LDB3: variants seen among roughly 807,000 people sequenced by gnomAD.
The protein encoded by LDB3 is LIM domain-binding protein 3.
In LDB3, 49 loss-of-function variants were observed where a neutral mutation model predicts 69.0. The ratio of observed to expected loss-of-function variants is 0.71; its 90% CI spans 0.56 to 0.90. LDB3 has a LOEUF of 0.90. Ranked by LOEUF, LDB3 falls within the 40% of genes least tolerant of loss-of-function variation. The pLI, the probability that LDB3 is intolerant of heterozygous loss-of-function variation, is 0.00. For missense variants in LDB3, 928 were observed against 974.1 expected (o/e 0.95, Z 0.63); for synonymous variants, 387 against 396.2 (o/e 0.98, Z 0.28).
At chr10:86,673,560 T>C (rs1806471) in intron 2 of LDB3, among the ~76,000 whole-genome samples, 69,499 of 151,658 alleles carry the variant, frequency 0.46, 16,186 homozygotes, top group Non-Finnish European at 0.5. Flanking sequence ...AGTGGGACCA[T>C]GGGGAGACAG....
chr10:86,728,581 C>CTTTTGTTTTTTTTT lies in LDB3; in HGVS notation c.2094+2334_2094+2347dup, dbSNP rs1554868870. Among the ~76,000 whole-genome samples, 35 of 97,580 alleles carry CTTTTGTTTTTTTTT rather than the reference C, an allele frequency of 3.6e-4. No homozygotes were observed. The South Asian group carries it at 5.5e-3, about 15-fold the overall frequency. The allele number at this position is 97,580 out of a possible 152,430, so 64.0% of individuals were successfully genotyped here. On this transcript the variant is annotated intron_variant, in intron 13 of 13. Transcript: ENST00000361373. ...ACATATAGCAAAGTGGAACATGGTT[C>CTTTTGTTTTTTTTT]TTTTGTTTTTTTTTTTTTTTGAGAC... is the stretch of plus-strand genomic sequence containing the variant.
intron 7 of LDB3, among the ~76,000 whole-genome samples, chr10:86,697,426 G>A (rs1248265163): frequency 1.3e-5 from 2 of 151,556 alleles, no homozygotes; most frequent in Non-Finnish European, 2.9e-5. Context: ...TCACCATATT[G>A]GCCAGGCTGG....
intron 2 of LDB3, among the ~76,000 whole-genome samples, chr10:86,670,642 G>A (rs1337347380): frequency 6.6e-6 from 1 of 152,252 alleles, no homozygotes; most frequent in Non-Finnish European, 1.5e-5. Flanking sequence ...TAGATAGCAG[G>A]AGGAATGTCC....
intron 9 of LDB3, among the ~76,000 whole-genome samples, chr10:86,713,396 C>T (rs776005876): frequency 6.6e-6 from 1 of 152,046 alleles, no homozygotes; most frequent in Non-Finnish European, 1.5e-5. Context: ...ACAAGGCGCC[C>T]ACCACCATGC....
intron 5 of LDB3, chr10:86,685,808 G>A (rs983230180): frequency 3.9e-6 from 5 of 1,290,874 alleles, no homozygotes; most frequent in Admixed American, 3.4e-5. Context: ...GTACATGTAT[G>A]TGCATATGTA....
intron 5 of LDB3, among the ~76,000 whole-genome samples, chr10:86,686,708 G>GA (rs1213422125): frequency 6.6e-6 from 1 of 151,762 alleles, no homozygotes; most frequent in African/African-American, 2.4e-5. Context: ...TCAGGAGGCT[G>GA]AGGTGAGAGG....
intron 13 of LDB3, 23 bp downstream of exon 13, chr10:86,726,275 T>C: frequency 1.9e-6 from 3 of 1,598,474 alleles, no homozygotes; most frequent in South Asian, 2.2e-5. Context: ...CTTGGGGCTC[T>C]GGCTTTCTGA....
At chr10:86,687,980 CCT>C in intron 5 of LDB3, among the ~76,000 whole-genome samples, 1 of 150,870 alleles carries the variant, frequency 6.6e-6, no homozygotes, top group Middle Eastern at 3.4e-3. Flanking sequence ...TCTGTGTCTC[CCT>C]CTCTCTGTAT....
At chr10:86,726,305 A>G in intron 13 of LDB3, 53 bp downstream of exon 13, 1 of 1,450,488 alleles carries the variant, frequency 6.9e-7, no homozygotes, top group Non-Finnish European at 9.7e-7. Flanking sequence ...GGAGGGAGGA[A>G]GTGGGAGCCA....
rs2803556 is a variant in LDB3, at chr10:86,668,546, G to T, written c.-48G>T. ...GCCTCTCAAGAGCTCCACGCAGCCC[G>T]GCTGGGCAGCAAGGGACAGAACAGG... On this transcript the variant is annotated 5_prime_UTR_variant, in exon 1 of 14. Coordinates refer to ENST00000361373, the MANE Select transcript of LDB3 (RefSeq NM_007078.3). 7.3e-5 allele frequency: 54 copies of T among 734,928 alleles called. No homozygotes were observed. The African/African-American group carries it at 7.9e-4, about 11-fold the overall frequency. 45.5% of individuals were successfully genotyped at this position (734,928 alleles called of 1,614,324 possible).
At chr10:86,717,673 A>G (rs947817577) in intron 10 of LDB3, among the ~76,000 whole-genome samples, 2 of 152,248 alleles carry the variant, frequency 1.3e-5, no homozygotes, top group Admixed American at 6.5e-5. Context: ...CAGCATCATC[A>G]TTATTGCATT....
chr10:86,716,404 T>G lies in LDB3; in HGVS notation c.1309T>G (p.Tyr437Asp). ...CTACACCCCCTCCCCTGCCCCTGCC[T>G]ACACCCCCTCCCCTGCCCCTGCCTA... Reference protein sequence around the residue: ...TPYTPSPAPAYTPSPAPAYTP... With the variant: ...TPYTPSPAPADTPSPAPAYTP... The change falls in exon 10 of 14, where the codon TAC becomes GAC. Residue 437 changes from tyrosine to aspartate, a missense_variant. Tyr to Asp is a radical substitution (Grantham distance 160). Coordinates refer to ENST00000361373, the MANE Select transcript of LDB3 (RefSeq NM_007078.3). 1.1e-6 allele frequency: 1 copy of G among 872,438 alleles called. No homozygotes were observed. Among genetic ancestry groups the G allele is most frequent in the Non-Finnish European group, 1.5e-6 (1 of 679,628 alleles). The allele number at this position is 872,438 out of a possible 1,614,324, so 54.0% of individuals were successfully genotyped here.
At chr10:86,687,056 A>T (rs1380556743) in intron 5 of LDB3, 2 of 1,611,902 alleles carry the variant, frequency 1.2e-6, no homozygotes. Flanking sequence ...GTACTCCCGC[A>T]CCCCTCCCCC....
At chr10:86,669,611 C>T (rs948749818) in intron 2 of LDB3, among the ~76,000 whole-genome samples, 5 of 152,198 alleles carry the variant, frequency 3.3e-5, no homozygotes, top group African/African-American at 9.7e-5. Context: ...GCCCCCAGAC[C>T]GTAGTAGGCA....
At chr10:86,673,914 G>A (rs889912552) in intron 2 of LDB3, among the ~76,000 whole-genome samples, 2 of 152,204 alleles carry the variant, frequency 1.3e-5, no homozygotes, top group African/African-American at 4.8e-5. Flanking sequence ...AGGGAACTGG[G>A]AAAATAGGAG....
At chr10:86,692,693 C>T in intron 7 of LDB3, 122 bp downstream of exon 7, 1 of 893,590 alleles carries the variant, frequency 1.1e-6, no homozygotes. Flanking sequence ...AAAGCCTGGC[C>T]TGCAAAGGGC....
intron 4 of LDB3, among the ~76,000 whole-genome samples, chr10:86,680,549 G>C (rs899988795): frequency 2.6e-5 from 4 of 152,204 alleles, no homozygotes; most frequent in African/African-American, 9.6e-5. Context: ...TGTGGCTGAG[G>C]CCCAGCTTGA....
intron 2 of LDB3, among the ~76,000 whole-genome samples, chr10:86,677,837 T>G (rs1344123371): frequency 1.3e-5 from 2 of 152,188 alleles, no homozygotes; most frequent in Non-Finnish European, 2.9e-5. Context: ...ATCTGCCAGG[T>G]AGCACAAAGC....
chr10:86,727,733 A>T (rs1589686463), intron 13 of LDB3, among the ~76,000 whole-genome samples: 1 of 150,980 alleles, frequency 6.6e-6, no homozygotes, highest in Non-Finnish European at 1.5e-5. Context: ...CAGCTGTGTA[A>T]CTCCAATCCC....
Sources: allele counts gnomAD v4.1 joint callset (sites outside exome capture counted in the v4.1 genomes callset), GRCh38; gene constraint gnomAD v4.1.1; transcripts MANE v1.5; gene names NCBI Gene and HGNC (gene_info 2026-07-23, HGNC 2026-07-21).